Variants in TUBGCP3 observed in about 807,000 individuals in gnomAD.
The protein encoded by TUBGCP3 is tubulin gamma complex component 3, also known as gamma-tubulin complex component 3.
A neutral mutation model predicts 123.1 loss-of-function variants in TUBGCP3; 50 were observed. The ratio of observed to expected loss-of-function variants is 0.41; its 90% CI spans 0.32 to 0.51. TUBGCP3 has a LOEUF of 0.51. Among genes scored for constraint, TUBGCP3 ranks in the 20% least tolerant of loss-of-function variants. The pLI is 0.36. For missense variants in TUBGCP3, 882 were observed against 1,127.0 expected (o/e 0.78, Z 3.11); for synonymous variants, 405 against 413.9 (o/e 0.98, Z 0.26).
At chr13:112,585,953 T>G (rs1882578397) in intron 1 of TUBGCP3, among the ~76,000 whole-genome samples, 1 of 149,666 alleles carries the variant, frequency 6.7e-6, no homozygotes, top group Non-Finnish European at 1.5e-5. Flanking sequence ...AAAAAAAAAG[T>G]TTTTGGCTGG....
At chr13:112,554,780 G>T (rs1024122081) in intron 7 of TUBGCP3, 107 bp downstream of exon 7, 12 of 736,284 alleles carry the variant, frequency 1.6e-5, no homozygotes, top group Non-Finnish European at 2.4e-5. Flanking sequence ...CCTCACAACC[G>T]ATTCGCAAAA....
intron 11 of TUBGCP3, among the ~76,000 whole-genome samples, chr13:112,536,033 A>T (rs894769643): frequency 2.0e-5 from 3 of 152,188 alleles, no homozygotes; most frequent in African/African-American, 7.2e-5. Flanking sequence ...ATCTCCATTG[A>T]GTAATCTTGG....
chr13:112,504,570 T>C, intron 18 of TUBGCP3, 56 bp downstream of exon 18: 1 of 1,324,346 alleles, frequency 7.6e-7, no homozygotes, highest in Non-Finnish European at 1.1e-6. Flanking sequence ...ATATACCATG[T>C]AAAAGCCAAG....
rs536190926 is a variant in TUBGCP3 at position 112,491,021 on chromosome 13, G to A, written c.2449-1324C>T. On this transcript the variant is annotated intron_variant, in intron 20 of 21. Transcript: ENST00000261965. ...GAGTAAGTTCTTTCTCACTTGTTTT[G>A]TATGTTTGTGCCTTCTCCTCCCGCT... Among the ~76,000 whole-genome samples the A allele has an allele frequency of 2.3e-3, 352 of 152,108 alleles. 1 individual carries two copies. The highest frequency in any genetic ancestry group is 6.8e-3 in the Middle Eastern group (2 of 294).
At chr13:112,495,964 GAAGA>G (rs1264504920) in intron 20 of TUBGCP3, among the ~76,000 whole-genome samples, 2 of 151,986 alleles carry the variant, frequency 1.3e-5, no homozygotes, top group Non-Finnish European at 1.5e-5. Flanking sequence ...TAGAATAAAA[GAAGA>G]AATATTTTTT....
chr13:112,549,637 T>C (rs919476266), intron 8 of TUBGCP3, among the ~76,000 whole-genome samples: 1 of 152,172 alleles, frequency 6.6e-6, no homozygotes, highest in Non-Finnish European at 1.5e-5. Flanking sequence ...CTGTTTGCAC[T>C]GCTTGTTCTT....
At chr13:112,531,031 C>G (rs972080375) in intron 11 of TUBGCP3, among the ~76,000 whole-genome samples, 1 of 152,158 alleles carries the variant, frequency 6.6e-6, no homozygotes, top group Non-Finnish European at 1.5e-5. Flanking sequence ...TTTTAAATAA[C>G]GTCATTTTCC....
chr13:112,525,211 T>C (rs904834030), intron 13 of TUBGCP3, among the ~76,000 whole-genome samples: 44 of 152,210 alleles, frequency 2.9e-4, no homozygotes, highest in African/African-American at 1.0e-3. Context: ...TCGTCCTATT[T>C]CTCTTCTGCA....
At chr13:112,488,195 C>T (rs1291859240) in intron 21 of TUBGCP3, among the ~76,000 whole-genome samples, 3 of 149,656 alleles carry the variant, frequency 2.0e-5, no homozygotes, top group South Asian at 2.1e-4. Context: ...ACAGAAAGAG[C>T]GAGTGCGGTC....
intron 11 of TUBGCP3, among the ~76,000 whole-genome samples, chr13:112,529,737 G>T (rs1468368760): frequency 6.6e-6 from 1 of 152,186 alleles, no homozygotes; most frequent in Non-Finnish European, 1.5e-5. Flanking sequence ...TCAGCACTTG[G>T]CAGTATTTTC....
chr13:112,533,602 T>C (rs2139117416), intron 11 of TUBGCP3, among the ~76,000 whole-genome samples: 1 of 152,076 alleles, frequency 6.6e-6, no homozygotes, highest in South Asian at 2.1e-4. Context: ...ACAGCACCCG[T>C]GCCTTTGTCG....
At chr13:112,516,367 T>C (rs1876125715) in intron 17 of TUBGCP3, 73 bp downstream of exon 17, 2 of 1,425,536 alleles carry the variant, frequency 1.4e-6, no homozygotes, top group African/African-American at 1.4e-5. Flanking sequence ...GCGGAGTTGC[T>C]GGAAACCGCA....
intron 11 of TUBGCP3, among the ~76,000 whole-genome samples, chr13:112,530,788 G>A (rs191322954): frequency 2.7e-4 from 41 of 152,070 alleles, no homozygotes; most frequent in African/African-American, 9.4e-4. Flanking sequence ...AATATACTAC[G>A]CATACGATAC....
intron 21 of TUBGCP3, among the ~76,000 whole-genome samples, chr13:112,488,292 G>C (rs190106513): frequency 2.0e-4 from 31 of 152,170 alleles, no homozygotes; most frequent in African/African-American, 7.2e-4. Context: ...CATGATTAGT[G>C]ATCAGCGACT....
intron 8 of TUBGCP3, among the ~76,000 whole-genome samples, chr13:112,553,429 T>A (rs1034071140): frequency 1.3e-5 from 2 of 152,256 alleles, no homozygotes; most frequent in Non-Finnish European, 2.9e-5. Flanking sequence ...AATCAACCTA[T>A]GGACAAGACC....
At chr13:112,563,707 CCAAAAAA>C (rs1398891567) in intron 3 of TUBGCP3, among the ~76,000 whole-genome samples, 2 of 103,412 alleles carry the variant, frequency 1.9e-5, no homozygotes, top group African/African-American at 6.6e-5. Flanking sequence ...ACTAAAAATA[CCAAAAAA>C]AAAAAAAAAA....
In TUBGCP3 at chr13:112,485,583, G is replaced by A. The variant is rs1424196204; in HGVS notation, c.*410C>T. Reference sequence around the variant, plus strand: ...TATGTTAACAAAAATTACCTCTAAAGAGGATGTTAAAAAAATAGCAATGAC... The same window carrying A: ...TATGTTAACAAAAATTACCTCTAAAAAGGATGTTAAAAAAATAGCAATGAC... On this transcript the variant is annotated 3_prime_UTR_variant, in exon 22 of 22. Coordinates refer to ENST00000261965, the MANE Select transcript of TUBGCP3 (RefSeq NM_006322.6). 1 of 162,650 alleles carries A rather than the reference G, an allele frequency of 6.1e-6. No individual in the cohort carries two copies. The highest frequency in any genetic ancestry group is 1.3e-5 in the Non-Finnish European group (1 of 75,340). The allele number at this position is 162,650 out of a possible 1,614,324, so 10.1% of individuals were successfully genotyped here. A position where few individuals can be genotyped will look rare whatever the true frequency, so the allele number is the denominator to read the frequency against.
chr13:112,584,859 T>A (rs1882503037), intron 1 of TUBGCP3, among the ~76,000 whole-genome samples: 1 of 152,176 alleles, frequency 6.6e-6, no homozygotes, highest in South Asian at 2.1e-4. Context: ...AATAAATAAA[T>A]GTGCTCCCAG....
rs373888714 is a variant in TUBGCP3, at chr13:112,555,315, T to C, written c.722-310A>G. Among the ~76,000 whole-genome samples the C allele has an allele frequency of 4.6e-5, 7 of 152,264 alleles. No homozygotes were observed. In the East Asian group the frequency reaches 1.2e-3, roughly 25 times the overall value. On this transcript the variant is annotated intron_variant, in intron 6 of 21. Coordinates refer to ENST00000261965, the MANE Select transcript of TUBGCP3 (RefSeq NM_006322.6). ...GAGTGGGGCAGATGGTGGAGACTACTGCGGGGGCTAATACTGTGCCAGGAT... is the reference window on the plus strand; with the variant it reads ...GAGTGGGGCAGATGGTGGAGACTACCGCGGGGGCTAATACTGTGCCAGGAT...
Sources: allele counts gnomAD v4.1 joint callset (sites outside exome capture counted in the v4.1 genomes callset), GRCh38; gene constraint gnomAD v4.1.1; transcripts MANE v1.5; gene names NCBI Gene and HGNC (gene_info 2026-07-23, HGNC 2026-07-21).